CSMD3: variants seen among roughly 807,000 people sequenced by gnomAD.
CSMD3 encodes CUB and sushi domain-containing protein 3.
CSMD3 carries 177 observed loss-of-function variants against 435.2 expected under a neutral mutation model. The ratio of observed to expected loss-of-function variants is 0.41; its 90% CI spans 0.36 to 0.46. CSMD3 has a LOEUF of 0.46. CSMD3 is among the 20% of genes least tolerant of loss of function. The pLI, the probability that CSMD3 is intolerant of heterozygous loss-of-function variation, is 0.34. For synonymous variants in CSMD3, 1,656 were observed against 1,520.5 expected, an observed-to-expected ratio of 1.09 and a Z score of -2.07; for missense variants, 4,265 against 4,504.6, an observed-to-expected ratio of 0.95 and a Z score of 1.52.
chr8:112,365,468 CTTTTTT>C (rs546920182), intron 38 of CSMD3, among the ~76,000 whole-genome samples: 22 of 112,640 alleles, frequency 2.0e-4, no homozygotes, highest in African/African-American at 4.0e-4. Context: ...CATAGATTTC[CTTTTTT>C]TTTTTTTTTT....
chr8:113,314,917 C>T (rs1475111019), intron 1 of CSMD3, 124 bp from the exon 2 acceptor site: 5 of 658,582 alleles, frequency 7.6e-6, no homozygotes, highest in African/African-American at 1.8e-5. Context: ...TTATAAATGG[C>T]AGTTTAAGAG....
At chr8:113,436,579 T>C (rs1004507451) in intron 1 of CSMD3, 98 bp downstream of exon 1, 2 of 1,063,628 alleles carry the variant, frequency 1.9e-6, no homozygotes, top group African/African-American at 3.1e-5. Flanking sequence ...TCAGATTATT[T>C]TATCGGTGCA....
chr8:112,346,090 C>A lies in CSMD3; in HGVS notation c.6442+7G>T. The stretch of plus-strand genomic sequence containing the variant: ...AAAGCTCTTTCACGTGTTTTTAATA[C>A]ACATACCAAAACCTATGGGTAGATT... On this transcript the variant is annotated splice_region_variant and intron_variant, in intron 41 of 70. Transcript: ENST00000297405. 7.0e-7 allele frequency: 1 copy of A among 1,438,778 alleles called. No individual in the cohort carries two copies. Among genetic ancestry groups the A allele is most frequent in the Non-Finnish European group, 9.8e-7 (1 of 1,019,940 alleles). 89.1% of individuals were successfully genotyped at this position (1,438,778 alleles called of 1,614,324 possible).
At chr8:112,876,834 G>A (rs190102749) in intron 10 of CSMD3, among the ~76,000 whole-genome samples, 100 of 152,254 alleles carry the variant, frequency 6.6e-4, no homozygotes, top group Non-Finnish European at 1.1e-3. Context: ...GTTTGCAGAT[G>A]ACATGATTGT....
intron 1 of CSMD3, among the ~76,000 whole-genome samples, chr8:113,424,869 G>A (rs1027119293): frequency 6.6e-6 from 1 of 151,480 alleles, no homozygotes; most frequent in South Asian, 2.1e-4. Context: ...CAATATATAT[G>A]ATATATAAAT....
Position 112,517,105 on chromosome 8 carries a change from C to T in CSMD3, c.4685G>A (p.Gly1562Glu), listed in dbSNP as rs1440179963. The T allele has an allele frequency of 6.2e-7, 1 of 1,613,916 alleles. No individual in the cohort carries two copies. The highest frequency in any genetic ancestry group is 1.7e-5 in the Admixed American group (1 of 59,958). Residue 1562 changes from glycine to glutamate, a missense_variant, in exon 28 of 71, where the codon GGA (glycine) becomes GAA (glutamate). Gly to Glu is a moderately conservative substitution (Grantham distance 98). Coordinates refer to ENST00000297405, the MANE Select transcript of CSMD3 (RefSeq NM_198123.2). ...CTGAATGCAGGTTATTCTTTCCTCTCCTTGAAGTTCATATCCTGGGTCACA... is the reference window on the plus strand; with the variant it reads ...CTGAATGCAGGTTATTCTTTCCTCTTCTTGAAGTTCATATCCTGGGTCACA... ...FQCDPGYELQ[G>E]EERITCIQVE... is the part of the protein sequence containing the mutation.
chr8:113,355,233 A>G (rs1022290655), intron 1 of CSMD3, among the ~76,000 whole-genome samples: 4 of 152,132 alleles, frequency 2.6e-5, no homozygotes, highest in Non-Finnish European at 4.4e-5. Flanking sequence ...ATATATAAAC[A>G]TGTATGTGTA....
chr8:113,360,702 T>C (rs910498172), intron 1 of CSMD3, among the ~76,000 whole-genome samples: 1 of 150,652 alleles, frequency 6.6e-6, no homozygotes, highest in African/African-American at 2.4e-5. Context: ...GCCTCCCGAG[T>C]AGCTGGGACT....
chr8:112,363,226 G>T (rs1827426294), intron 38 of CSMD3, among the ~76,000 whole-genome samples: 1 of 151,926 alleles, frequency 6.6e-6, no homozygotes, highest in African/African-American at 2.4e-5. Context: ...TTAAAGAAGT[G>T]CATGCATAAT....
intron 1 of CSMD3, among the ~76,000 whole-genome samples, chr8:113,371,977 A>C (rs1352056877): frequency 6.6e-6 from 1 of 152,164 alleles, no homozygotes; most frequent in Non-Finnish European, 1.5e-5. Context: ...AAGATTTTAG[A>C]CTTACATGAG....
chr8:112,660,505 C>A (rs1412538630), intron 17 of CSMD3, among the ~76,000 whole-genome samples: 1 of 152,058 alleles, frequency 6.6e-6, no homozygotes. Flanking sequence ...AGCCCTCAAC[C>A]AATACCTCAT....
chr8:113,332,080 A>G (rs1056118895), intron 1 of CSMD3, among the ~76,000 whole-genome samples: 3 of 151,772 alleles, frequency 2.0e-5, no homozygotes, highest in Non-Finnish European at 3.0e-5. Flanking sequence ...ATATTGCAAC[A>G]AAGTGAGTCA....
chr8:113,040,067 G>A (rs186025607), intron 5 of CSMD3, among the ~76,000 whole-genome samples: 1 of 152,270 alleles, frequency 6.6e-6, no homozygotes, highest in East Asian at 1.9e-4. Context: ...ACTAAGTGGT[G>A]TGGGTGGTAC....
At chr8:112,366,718 T>A (rs143826565) in intron 38 of CSMD3, among the ~76,000 whole-genome samples, 21 of 152,286 alleles carry the variant, frequency 1.4e-4, no homozygotes, top group African/African-American at 4.8e-4. Context: ...CTTATAGTCC[T>A]GATTTGGCTC....
intron 22 of CSMD3, among the ~76,000 whole-genome samples, chr8:112,609,201 C>CAAAAAAAAAAAAAAAAAAAAAAAA (rs71566035): frequency 7.0e-5 from 3 of 43,104 alleles, no homozygotes; most frequent in African/African-American, 1.9e-4. Context: ...GATACTGCCT[C>CAAAAAAAAAAAAAAAAAAAAAAAA]AAAAAAAAAA....
intron 28 of CSMD3, among the ~76,000 whole-genome samples, chr8:112,515,083 G>A (rs1454172072): frequency 6.6e-6 from 1 of 151,736 alleles, no homozygotes; most frequent in Non-Finnish European, 1.5e-5. Flanking sequence ...GCTAGCTAAA[G>A]CATATTCTTG....
intron 1 of CSMD3, among the ~76,000 whole-genome samples, chr8:113,367,384 T>A (rs2094319182): frequency 6.6e-6 from 1 of 152,050 alleles, no homozygotes; most frequent in Non-Finnish European, 1.5e-5. Flanking sequence ...CAAATTTACT[T>A]CATTTTTTAA....
At chr8:112,499,535 T>C (rs944723882) in intron 30 of CSMD3, among the ~76,000 whole-genome samples, 2 of 152,016 alleles carry the variant, frequency 1.3e-5, no homozygotes, top group Admixed American at 6.6e-5. Flanking sequence ...ATTAACGATA[T>C]AATAGACCAC....
intron 10 of CSMD3, among the ~76,000 whole-genome samples, chr8:112,916,492 G>T (rs1021022954): frequency 6.6e-6 from 1 of 151,074 alleles, no homozygotes. Context: ...ATATGAATGT[G>T]TGATAAACTT....
Sources: allele counts gnomAD v4.1 joint callset (sites outside exome capture counted in the v4.1 genomes callset), GRCh38; gene constraint gnomAD v4.1.1; transcripts MANE v1.5; gene names NCBI Gene and HGNC (gene_info 2026-07-23, HGNC 2026-07-21).